The following AK9 variants were observed in gnomAD, a reference collection of about 807,000 sequenced individuals.
AK9 encodes the protein adenylate kinase domain containing 1.
A neutral mutation model predicts 239.6 loss-of-function variants in AK9; 191 were observed. That is an observed-to-expected ratio of 0.80 (90% CI 0.71 to 0.90). The LOEUF (loss-of-function observed/expected upper bound fraction) is 0.90. AK9 is among the 40% of genes least tolerant of loss of function. The pLI, the probability that AK9 is intolerant of heterozygous loss-of-function variation, is 0.00. For synonymous variants in AK9, 689 were observed against 721.0 expected, an observed-to-expected ratio of 0.96 and a Z score of 0.71; for missense variants, 1,995 against 2,214.7, an observed-to-expected ratio of 0.90 and a Z score of 1.99.
At chr6:109,622,212 TA>T (rs1344937576) in intron 12 of AK9, among the ~76,000 whole-genome samples, 1 of 145,234 alleles carries the variant, frequency 6.9e-6, no homozygotes, top group Admixed American at 7.0e-5. Flanking sequence ...GTATATATTT[TA>T]GACATTATAT....
intron 12 of AK9, among the ~76,000 whole-genome samples, chr6:109,620,427 A>G (rs1359773458): frequency 3.3e-5 from 5 of 152,088 alleles, no homozygotes; most frequent in African/African-American, 9.7e-5. Flanking sequence ...ATATATGCTT[A>G]TTCACTTATT....
intron 8 of AK9, among the ~76,000 whole-genome samples, chr6:109,648,933 C>G (rs1311635908): frequency 6.6e-6 from 1 of 152,110 alleles, no homozygotes; most frequent in East Asian, 1.9e-4. Context: ...AAGGCTGGTA[C>G]AATATATGCA....
intron 17 of AK9, among the ~76,000 whole-genome samples, chr6:109,610,119 A>G (rs948771039): frequency 1.3e-5 from 2 of 152,212 alleles, no homozygotes; most frequent in African/African-American, 4.8e-5. Flanking sequence ...TTTAATGAAG[A>G]ATTAATTTCA....
chr6:109,566,277 A>ACT (rs1786504899), intron 21 of AK9, among the ~76,000 whole-genome samples: 1 of 152,026 alleles, frequency 6.6e-6, no homozygotes, highest in African/African-American at 2.4e-5. Context: ...TCTTATAAAT[A>ACT]CTCTACCTAC....
chr6:109,510,300 G>A (rs191654094), intron 32 of AK9, among the ~76,000 whole-genome samples: 3 of 152,248 alleles, frequency 2.0e-5, no homozygotes, highest in African/African-American at 7.2e-5. Context: ...AGAGATAACA[G>A]GATGACCAGC....
chr6:109,686,297 G>A (rs1467154141), intron 1 of AK9, among the ~76,000 whole-genome samples: 1 of 152,220 alleles, frequency 6.6e-6, no homozygotes, highest in Non-Finnish European at 1.5e-5. Context: ...AAGTTTGAAG[G>A]TCTTATTACT....
chr6:109,604,088 C>T (rs567608507), intron 17 of AK9, among the ~76,000 whole-genome samples: 1 of 151,908 alleles, frequency 6.6e-6, no homozygotes, highest in African/African-American at 2.4e-5. Flanking sequence ...CCTGCACCCA[C>T]TGTCCGACAA....
At chr6:109,506,822 A>C in intron 33 of AK9, 22 bp from the exon 34 acceptor site, 1 of 1,469,288 alleles carries the variant, frequency 6.8e-7, no homozygotes, top group South Asian at 1.4e-5. Context: ...AAACATGAAA[A>C]TAAAAATTCC....
intron 27 of AK9, among the ~76,000 whole-genome samples, 169 bp from the exon 28 acceptor site, chr6:109,533,639 T>TA (rs900647184): frequency 4.0e-5 from 6 of 151,854 alleles, no homozygotes; most frequent in African/African-American, 1.5e-4. Context: ...AAAAATACAG[T>TA]AAAAAAAAGT....
intron 17 of AK9, among the ~76,000 whole-genome samples, chr6:109,587,973 T>C (rs139504356): frequency 7.9e-5 from 12 of 152,330 alleles, no homozygotes; most frequent in Admixed American, 7.2e-4. Flanking sequence ...TTTGTAATAA[T>C]AGCTATTCTG....
chr6:109,514,373 T>C lies in AK9; in HGVS notation c.4130A>G (p.His1377Arg). 1.9e-6 allele frequency: 3 copies of C among 1,551,040 alleles called. No individual in the cohort carries two copies. Among genetic ancestry groups the C allele is most frequent in the Non-Finnish European group, 2.6e-6 (3 of 1,146,828 alleles). The change falls in exon 32 of 41, where the codon CAT (histidine) becomes CGT (arginine). Residue 1377 changes from histidine (H) to arginine (R), a missense_variant. Transcript: ENST00000424296. ...NAENPIYPVI[H>R]RQYIYFLSSK... ...AGATAAAAAATAAATATACTGACGA[T>C]GGATTACAGGATAAATTGGATTCTC...
rs934073291 is a variant in AK9 at position 109,563,989 on chromosome 6, C to T, written c.2635+91G>A. 20 of 1,279,818 alleles carry T rather than the reference C, an allele frequency of 1.6e-5. No homozygotes were observed. The Admixed American group carries it at 4.3e-4, about 27-fold the overall frequency. The allele number at this position is 1,279,818 out of a possible 1,614,324, so 79.3% of individuals were successfully genotyped here. A position where few individuals can be genotyped will look rare whatever the true frequency, so the allele number is the denominator to read the frequency against. ...CCTTGGATATACTGAACATTTACTTCATAAACCATCAAAGAAGGCTTTCAA... is the reference window on the plus strand; with the variant it reads ...CCTTGGATATACTGAACATTTACTTTATAAACCATCAAAGAAGGCTTTCAA... On this transcript the variant is annotated intron_variant, in intron 23 of 40. Transcript: ENST00000424296.
intron 19 of AK9, among the ~76,000 whole-genome samples, chr6:109,580,085 G>A (rs1788631085): frequency 6.6e-6 from 1 of 152,166 alleles, no homozygotes; most frequent in Non-Finnish European, 1.5e-5. Context: ...CAACATGGAT[G>A]ATGGCATATA....
chr6:109,550,393 A>G, intron 24 of AK9, 91 bp from the exon 25 acceptor site: 2 of 1,157,856 alleles, frequency 1.7e-6, no homozygotes, highest in African/African-American at 3.1e-5. Flanking sequence ...AATAATATTT[A>G]ATCTGTAGCA....
intron 17 of AK9, among the ~76,000 whole-genome samples, chr6:109,596,184 G>C (rs990626196): frequency 1.3e-5 from 2 of 152,186 alleles, no homozygotes; most frequent in Non-Finnish European, 2.9e-5. Context: ...GTTGCCTTAG[G>C]CAATGGGCTG....
Position 109,585,898 on chromosome 6 carries a change from T to C in AK9, c.1999+18A>G, listed in dbSNP as rs1447027602. 1.3e-6 allele frequency: 2 copies of C among 1,526,326 alleles called. No homozygotes were observed. The highest frequency in any genetic ancestry group is 2.5e-5 in the South Asian group (2 of 79,602). The allele number at this position is 1,526,326 out of a possible 1,614,324, so 94.5% of individuals were successfully genotyped here. A position where few individuals can be genotyped will look rare whatever the true frequency, so the allele number is the denominator to read the frequency against. On this transcript the variant is annotated intron_variant, in intron 18 of 40. Coordinates refer to ENST00000424296, the MANE Select transcript of AK9 (RefSeq NM_001145128.3). ...ACAAAACTTCACTTTCAAATTTACA[T>C]AATAAATATTTACCAACCATTGTTT...
chr6:109,591,399 T>C (rs1456667647), intron 17 of AK9, among the ~76,000 whole-genome samples: 1 of 152,166 alleles, frequency 6.6e-6, no homozygotes, highest in African/African-American at 2.4e-5. Context: ...TTACTTTGAC[T>C]CTGTAAATGT....
At chr6:109,548,518 A>C (rs1393271514) in intron 25 of AK9, among the ~76,000 whole-genome samples, 1 of 152,186 alleles carries the variant, frequency 6.6e-6, no homozygotes, top group African/African-American at 2.4e-5. Context: ...AGGACAAGAC[A>C]ATGTTGAAGA....
chr6:109,606,814 A>G (rs548596163), intron 17 of AK9, among the ~76,000 whole-genome samples: 1 of 152,366 alleles, frequency 6.6e-6, no homozygotes, highest in East Asian at 1.9e-4. Context: ...ATGGTTTGGT[A>G]TGAACAAAAT....
Sources: allele counts gnomAD v4.1 joint callset (sites outside exome capture counted in the v4.1 genomes callset), GRCh38; gene constraint gnomAD v4.1.1; transcripts MANE v1.5; gene names NCBI Gene and HGNC (gene_info 2026-07-23, HGNC 2026-07-21).